Variants in CASK observed in about 807,000 individuals in gnomAD.
The protein encoded by CASK is calcium/calmodulin dependent serine protein kinase, also known as peripheral plasma membrane protein CASK.
A neutral mutation model predicts 82.9 loss-of-function variants in CASK; 4 were observed. That is an observed-to-expected ratio of 0.05 (90% CI 0.02 to 0.11). The LOEUF (loss-of-function observed/expected upper bound fraction) is 0.11. CASK is among the 10% of genes least tolerant of loss of function. The probability of loss-of-function intolerance (pLI) is 1.00; values close to 1 mark genes in which losing one functional copy is unlikely to be tolerated. For synonymous variants in CASK, 259 were observed against 253.5 expected (o/e 1.02, Z -0.20); for missense variants, 358 against 720.9 (o/e 0.50, Z 5.76).
In CASK at chrX:41,716,375, G is replaced by A. The variant is rs779410590; in HGVS notation, c.429+23009C>T. Among the ~76,000 whole-genome samples, 6 of 112,563 alleles carry A rather than the reference G, an allele frequency of 5.3e-5. No individual in the cohort carries two copies. The South Asian group carries it at 1.5e-3, about 28-fold the overall frequency. On this transcript the variant is annotated intron_variant, in intron 5 of 26. Transcript: ENST00000378163. ...ACGAAGAGCTGCCTTATTTGCCTTC[G>A]CAAGTGTGTGCTCACATTCAACATG...
At chrX:41,797,298 C>G (rs1318382451) in intron 2 of CASK, among the ~76,000 whole-genome samples, 1 of 109,957 alleles carries the variant, frequency 9.1e-6, no homozygotes, top group Non-Finnish European at 1.9e-5. Flanking sequence ...GTATGATACT[C>G]CACGTGCTTC....
chrX:41,532,154 T>C (rs2064813499), intron 24 of CASK, among the ~76,000 whole-genome samples: 1 of 111,695 alleles, frequency 9.0e-6, no homozygotes, highest in Admixed American at 9.5e-5. Flanking sequence ...CAGACTGGTC[T>C]CAAACTCCTG....
At chrX:41,555,702 G>A (rs2065151899) in intron 19 of CASK, 67 bp from the exon 20 acceptor site, 7 of 811,017 alleles carry the variant, frequency 8.6e-6, no homozygotes, top group Admixed American at 4.6e-5. Context: ...AGTAATTTGT[G>A]TGTTCTGTTA....
chrX:41,594,572 G>A (rs2065790031), intron 12 of CASK, among the ~76,000 whole-genome samples: 1 of 112,063 alleles, frequency 8.9e-6, no homozygotes, highest in East Asian at 2.8e-4. Context: ...AGCAAAAAGA[G>A]ACTGGTGCCT....
At chrX:41,723,891 CCTT>C (rs1384608529) in intron 5 of CASK, among the ~76,000 whole-genome samples, 2 of 112,101 alleles carry the variant, frequency 1.8e-5, no homozygotes, top group Non-Finnish European at 3.8e-5. Flanking sequence ...CAGAGTGGCT[CCTT>C]CTATCACTGT....
intron 2 of CASK, among the ~76,000 whole-genome samples, chrX:41,811,902 G>C (rs1445700121): frequency 9.0e-6 from 1 of 111,301 alleles, no homozygotes; most frequent in African/African-American, 3.3e-5. Context: ...AATGATAAAG[G>C]GGATATCACC....
chrX:41,775,338 C>T (rs750546567), intron 3 of CASK, among the ~76,000 whole-genome samples: 1 of 110,842 alleles, frequency 9.0e-6, no homozygotes, highest in African/African-American at 3.3e-5. Flanking sequence ...CAATGAGATA[C>T]CATCCCACAC....
At chrX:41,554,640 G>A (rs2065138946) in intron 20 of CASK, among the ~76,000 whole-genome samples, 1 of 111,654 alleles carries the variant, frequency 9.0e-6, no homozygotes, top group African/African-American at 3.3e-5. Context: ...TATGATATGT[G>A]AGTTTACTTA....
In CASK at chrX:41,797,406, C is replaced by T. The variant is rs780239525; in HGVS notation, c.173-10123G>A. Among the ~76,000 whole-genome samples, 192 of 110,399 alleles carry T rather than the reference C, an allele frequency of 1.7e-3. 3 individuals carry two copies. The highest frequency in any genetic ancestry group is 4.6e-3 in the Middle Eastern group (1 of 216). ...AATCTCCCAAGCTGAGGGAGGCATACCCTGCTGCAATCTAGCAACCGCCTC... is the reference window on the plus strand; with the variant it reads ...AATCTCCCAAGCTGAGGGAGGCATATCCTGCTGCAATCTAGCAACCGCCTC... On this transcript the variant is annotated intron_variant, in intron 2 of 26. Coordinates refer to ENST00000378163, the MANE Select transcript of CASK (RefSeq NM_001367721.1).
chrX:41,747,447 AT>A (rs1159736802), intron 3 of CASK, among the ~76,000 whole-genome samples: 1 of 107,383 alleles, frequency 9.3e-6, no homozygotes, highest in Non-Finnish European at 1.9e-5. Context: ...ATACAATAGC[AT>A]TTTTTTTTTG....
At chrX:41,686,158 TG>T (rs2067435922) in intron 5 of CASK, among the ~76,000 whole-genome samples, 1 of 110,659 alleles carries the variant, frequency 9.0e-6, no homozygotes, top group South Asian at 3.9e-4. Flanking sequence ...GGTGCAATCT[TG>T]GCTCACTGCA....
intron 1 of CASK, among the ~76,000 whole-genome samples, chrX:41,886,531 GAAAAT>G (rs1280410010): frequency 9.0e-6 from 1 of 111,594 alleles, no homozygotes; most frequent in Non-Finnish European, 1.9e-5. Context: ...CTCAATTACA[GAAAAT>G]AAAAGGCATA....
intron 2 of CASK, among the ~76,000 whole-genome samples, chrX:41,808,227 G>T (rs1242902082): frequency 9.0e-6 from 1 of 111,702 alleles, no homozygotes; most frequent in African/African-American, 3.3e-5. Context: ...GTTTTGGCAG[G>T]GACATCCAAA....
At chrX:41,664,666 T>C (rs755022493) in intron 7 of CASK, among the ~76,000 whole-genome samples, 2 of 112,252 alleles carry the variant, frequency 1.8e-5, no homozygotes, top group African/African-American at 3.2e-5. Context: ...CAAGAAGTCC[T>C]TAGGTGTTTG....
rs143971388 is a variant in CASK at position 41,768,131 on chromosome X, C to T, written c.278+19047G>A. On this transcript the variant is annotated intron_variant, in intron 3 of 26. Transcript: ENST00000378163. ...GCTCAAATTGTTCCAGTTTTGGCCA[C>T]TGGACATGCTTTCAGGTTGGTTCCT... Among the ~76,000 whole-genome samples, 139 of 111,902 alleles carry T rather than the reference C, an allele frequency of 1.2e-3. 2 individuals carry two copies. Among genetic ancestry groups the T allele is most frequent in the African/African-American group, 4.4e-3 (136 of 30,828 alleles).
At chrX:41,602,798 C>T (rs891070256) in intron 12 of CASK, among the ~76,000 whole-genome samples, 3 of 105,038 alleles carry the variant, frequency 2.9e-5, no homozygotes, top group South Asian at 9.0e-4. Context: ...AGAATATTCA[C>T]GACATATGGT....
chrX:41,542,007 T>C (rs1463260984), intron 22 of CASK, among the ~76,000 whole-genome samples: 1 of 112,376 alleles, frequency 8.9e-6, no homozygotes, highest in Non-Finnish European at 1.9e-5. Context: ...CAACAGATCA[T>C]GCCTTTTTGG....
Position 41,602,719 on chromosome X carries a change from CTTTT to C in CASK, c.1155+7181_1155+7184del, listed in dbSNP as rs34064822. On this transcript the variant is annotated intron_variant, in intron 12 of 26. Coordinates refer to ENST00000378163, the MANE Select transcript of CASK (RefSeq NM_001367721.1). The stretch of plus-strand genomic sequence containing the variant: ...TAACAAAGAACCATATGCTTAGCGG[CTTTT>C]TTTTTTTTTTTTTGCTAAGTTTATT... Among the ~76,000 whole-genome samples, 413 of 75,192 alleles carry C rather than the reference CTTTT, an allele frequency of 5.5e-3. 7 individuals carry two copies. Among genetic ancestry groups the C allele is most frequent in the African/African-American group, 0.019 (395 of 21,214 alleles). 65.3% of individuals were successfully genotyped at this position (75,192 alleles called of 115,157 possible). A position where few individuals can be genotyped will look rare whatever the true frequency, so the allele number is the denominator to read the frequency against.
chrX:41,724,518 G>A (rs2068222164), intron 5 of CASK, among the ~76,000 whole-genome samples: 1 of 112,230 alleles, frequency 8.9e-6, no homozygotes, highest in Non-Finnish European at 1.9e-5. Context: ...ATTCTCCTGA[G>A]GGGAATATAG....
Sources: allele counts gnomAD v4.1 joint callset (sites outside exome capture counted in the v4.1 genomes callset), GRCh38; gene constraint gnomAD v4.1.1; transcripts MANE v1.5; gene names NCBI Gene and HGNC (gene_info 2026-07-23, HGNC 2026-07-21).